The following COL18A1 variants were observed in gnomAD, a reference collection of about 807,000 sequenced individuals.
COL18A1 encodes collagen alpha-1(XVIII) chain.
COL18A1 carries 133 observed loss-of-function variants against 168.0 expected under a neutral mutation model. The observed-to-expected ratio is 0.79, with a 90% CI of 0.69 to 0.91. The LOEUF is 0.91. Among genes scored for constraint, COL18A1 ranks in the 40% least tolerant of loss-of-function variants. The pLI is 0.00. For missense variants in COL18A1, 2,126 were observed against 1,925.4 expected (o/e 1.10, Z -1.95); for synonymous variants, 949 against 809.0 (o/e 1.17, Z -2.94).
intron 22 of COL18A1, among the ~76,000 whole-genome samples, 164 bp downstream of exon 22, chr21:45,491,478 G>T (rs1325410393): frequency 1.3e-5 from 2 of 151,578 alleles, no homozygotes; most frequent in East Asian, 3.9e-4. Flanking sequence ...GACGCCCTCG[G>T]TCAGAGACGC....
chr21:45,494,333 T>TC lies in COL18A1; in HGVS notation c.2353-208dup, dbSNP rs1213684992. On this transcript the variant is annotated intron_variant, in intron 26 of 41. Coordinates refer to ENST00000651438, the MANE Select transcript of COL18A1 (RefSeq NM_001379500.1). ...TGGACGCAAACCCCAAACCCGACCC[T>TC]CCCCTCACCAGTGGCTCCTGTCCTC... is the stretch of plus-strand genomic sequence containing the variant. 8.7e-5 allele frequency: 50 copies of TC among 575,464 alleles called. No individual in the cohort carries two copies. In the East Asian group the frequency reaches 1.4e-3, roughly 16 times the overall value. The allele number at this position is 575,464 out of a possible 1,614,324, so 35.6% of individuals were successfully genotyped here.
intron 6 of COL18A1, among the ~76,000 whole-genome samples, 194 bp from the exon 7 acceptor site, chr21:45,477,217 A>T (rs1401520378): frequency 6.6e-6 from 1 of 152,046 alleles, no homozygotes; most frequent in Non-Finnish European, 1.5e-5. Context: ...GTTGATTTTA[A>T]ATTCTGTCTC....
intron 14 of COL18A1, chr21:45,482,293 T>G (rs771709582): frequency 4.5e-6 from 3 of 662,082 alleles, no homozygotes; most frequent in Non-Finnish European, 8.3e-6. Context: ...TACTCCAAGC[T>G]TCCACGTTGG....
At chr21:45,511,068 A>ACC in intron 40 of COL18A1, 43 bp from the exon 41 acceptor site, 1 of 768,284 alleles carries the variant, frequency 1.3e-6, no homozygotes, top group Non-Finnish European at 2.0e-6. Flanking sequence ...ACCCATCCAC[A>ACC]CCCCCACACA....
intron 2 of COL18A1, among the ~76,000 whole-genome samples, chr21:45,452,464 C>G (rs972185062): frequency 2.6e-5 from 4 of 151,486 alleles, no homozygotes; most frequent in African/African-American, 9.8e-5. Context: ...GACATGTGAG[C>G]ATATATGTAC....
At chr21:45,488,027 C>T (rs1050352577) in intron 17 of COL18A1, among the ~76,000 whole-genome samples, 3 of 152,310 alleles carry the variant, frequency 2.0e-5, no homozygotes, top group Middle Eastern at 3.4e-3. Context: ...AAGCTCCTTC[C>T]TCCCCTGCCC....
chr21:45,405,287 G>GCTGCGGGGGCTGCGGGGGTC (rs1555966495), intron 1 of COL18A1, 46 bp downstream of exon 1: 47 of 432,060 alleles, frequency 1.1e-4, no homozygotes, highest in African/African-American at 1.8e-4. Context: ...CCAAGATGCG[G>GCTGCGGGGGCTGCGGGGGTC]CTGCGGGGGT....
chr21:45,495,761 C>T, intron 29 of COL18A1: 1 of 379,374 alleles, frequency 2.6e-6, no homozygotes, highest in South Asian at 2.2e-5. Flanking sequence ...TACACATGCC[C>T]ATACACTCCA....
Position 45,468,736 on chromosome 21 carries a change from G to A in COL18A1, c.601G>A (p.Ala201Thr), listed in dbSNP as rs767149984. The change falls in exon 3 of 42, where the codon GCC becomes ACC. Residue 201 changes from alanine (A) to threonine (T), a missense_variant. Coordinates refer to ENST00000651438, the MANE Select transcript of COL18A1 (RefSeq NM_001379500.1). ...ACGGGGCCTGGAGCTGGAGCCTGGC[G>A]CCGGGCTCTTCGTGGCTCAGGCGGG... ...SSRGLELEPG[A>T]GLFVAQAGGA... The A allele has an allele frequency of 8.7e-6, 14 of 1,610,500 alleles. No homozygotes were observed. The highest frequency in any genetic ancestry group is 2.2e-5 in the East Asian group (1 of 44,872).
rs181012655 is a variant in COL18A1 at position 45,487,495 on chromosome 21, G to A, written c.1882G>A (p.Ala628Thr). 203 of 1,613,016 alleles carry A rather than the reference G, an allele frequency of 1.3e-4. No homozygotes were observed. The African/African-American group carries it at 2.1e-3, about 16-fold the overall frequency. The change falls in exon 17 of 42, where the codon GCT (alanine) becomes ACT (threonine). Residue 628 changes from alanine to threonine, a missense_variant. Ala to Thr is a moderately conservative substitution (Grantham distance 58, BLOSUM62 0). Transcript: ENST00000651438. ...GGPFWSTARS[A>T]DGPQGPPGLP... is the part of the protein sequence containing the mutation. ...GCCCTTCTGGTCAACAGCCCGAAGCGCTGATGGGCCACAGGTAGTGTTGTG... is the reference window on the plus strand; with the variant it reads ...GCCCTTCTGGTCAACAGCCCGAAGCACTGATGGGCCACAGGTAGTGTTGTG...
At chr21:45,493,118 G>A (rs760150507) in intron 24 of COL18A1, 45 bp from the exon 25 acceptor site, 3 of 1,528,426 alleles carry the variant, frequency 2.0e-6, no homozygotes. Context: ...CGGGGATGGG[G>A]GAGATGCCAG....
In COL18A1 at chr21:45,496,579, A is replaced by G. The variant is rs1240576349; in HGVS notation, c.2577+11A>G. ...GTTTACGACAGCAATGTAAGTCCCC[A>G]GGGCACCCACTGTCCTACAGCCACC... On this transcript the variant is annotated intron_variant, in intron 30 of 41. Coordinates refer to ENST00000651438, the MANE Select transcript of COL18A1 (RefSeq NM_001379500.1). 5.9e-6 allele frequency: 8 copies of G among 1,354,816 alleles called. No individual in the cohort carries two copies. The highest frequency in any genetic ancestry group is 1.5e-5 in the African/African-American group (1 of 66,144). The allele number at this position is 1,354,816 out of a possible 1,614,324, so 83.9% of individuals were successfully genotyped here.
chr21:45,510,118 G>A lies in COL18A1; in HGVS notation c.3550G>A (p.Gly1184Arg), dbSNP rs745771086. 12 of 1,597,672 alleles carry A rather than the reference G, an allele frequency of 7.5e-6. No individual in the cohort carries two copies. Among genetic ancestry groups the A allele is most frequent in the African/African-American group, 1.3e-5 (1 of 74,560 alleles). Residue 1184 changes from glycine to arginine, a missense_variant, in exon 40 of 42, where the codon GGG (glycine) becomes AGG (arginine). Transcript: ENST00000651438. Reference protein sequence around the residue: ...PLSGGMRGIRGADFQCFQQAR... With the variant: ...PLSGGMRGIRRADFQCFQQAR... ...GTCAGGCGGCATGCGGGGCATCCGC[G>A]GGGCCGACTTCCAGTGCTTCCAGCA...
intron 19 of COL18A1, 95 bp downstream of exon 19, chr21:45,489,616 C>G (rs1014264476): frequency 2.6e-6 from 2 of 769,958 alleles, no homozygotes; most frequent in Non-Finnish European, 2.1e-6. Context: ...CGGCCTTCCC[C>G]GCTCTTCCTG....
rs879942865 is a variant in COL18A1, at chr21:45,423,064, T to C, written c.106+17591T>C. Among the ~76,000 whole-genome samples the C allele has an allele frequency of 9.2e-5, 14 of 152,124 alleles. No homozygotes were observed. Among genetic ancestry groups the C allele is most frequent in the Non-Finnish European group, 1.8e-4 (12 of 68,034 alleles). On this transcript the variant is annotated intron_variant, in intron 2 of 41. Transcript: ENST00000651438. This position sits in a 1 kb window ranked among gnomAD's most constrained non-coding sequence, Gnocchi z 4.0. Reference sequence around the variant, plus strand: ...CCCGACCTCAGGTGATCTGCCCGCATCTCCTTCCCAGAGTGTTGGGATTAT... The same window carrying C: ...CCCGACCTCAGGTGATCTGCCCGCACCTCCTTCCCAGAGTGTTGGGATTAT...
At chr21:45,437,276 A>C (rs1194020410) in intron 2 of COL18A1, among the ~76,000 whole-genome samples, 1 of 126,306 alleles carries the variant, frequency 7.9e-6, no homozygotes, top group Non-Finnish European at 1.6e-5. Context: ...TCAGACACAC[A>C]GGCACTCTCC....
At chr21:45,455,148 T>A (rs1283365466) in intron 2 of COL18A1, among the ~76,000 whole-genome samples, 1 of 152,228 alleles carries the variant, frequency 6.6e-6, no homozygotes. Flanking sequence ...TGGGGGCCGC[T>A]GCCTCAGTGC....
In COL18A1 at chr21:45,496,559, C is replaced by T. The variant is rs376919554; in HGVS notation, c.2568C>T (p.Tyr856=). ...CAGGCCCTCCAGGGACTCCTGTTTACGACAGCAATGTAAGTCCCCAGGGCA... is the reference window on the plus strand; with the variant it reads ...CAGGCCCTCCAGGGACTCCTGTTTATGACAGCAATGTAAGTCCCCAGGGCA... The part of the protein sequence containing the change: ...GPPGPPGTPV[Y]DSNVFAESSR... The change falls in exon 30 of 42, where the codon TAC becomes TAT. Residue 856 remains tyrosine (Y), a synonymous_variant. Transcript: ENST00000651438. The T allele has an allele frequency of 1.5e-4, 218 of 1,487,970 alleles. No individual in the cohort carries two copies. Among genetic ancestry groups the T allele is most frequent in the East Asian group, 3.8e-4 (17 of 44,346 alleles). 92.2% of individuals were successfully genotyped at this position (1,487,970 alleles called of 1,614,324 possible). A position where few individuals can be genotyped will look rare whatever the true frequency, so the allele number is the denominator to read the frequency against.
chr21:45,482,354 G>A (rs777463149), intron 14 of COL18A1: 1 of 680,762 alleles, frequency 1.5e-6, no homozygotes. Context: ...AGGAGCCGGG[G>A]CCCCAGGCGT....
Sources: gnomAD v4.1 joint callset for allele counts (sites outside exome capture counted in the v4.1 genomes callset) on GRCh38, gnomAD v4.1.1 for gene constraint, Gnocchi (gnomAD v3.1) non-coding constraint, MANE v1.5 for transcripts, NCBI Gene and HGNC (gene_info 2026-07-23, HGNC 2026-07-21) for gene names.